Variants in NLRC5 observed in about 807,000 individuals in gnomAD.
NLRC5 encodes protein NLRC5.
Under a neutral mutation model 206.9 loss-of-function variants are expected in NLRC5, and 114 were observed. The ratio of observed to expected loss-of-function variants is 0.55; its 90% CI spans 0.47 to 0.64. The LOEUF (loss-of-function observed/expected upper bound fraction) is 0.64, where lower values mean the gene tolerates loss of function less well. Among genes scored for constraint, NLRC5 ranks in the 30% least tolerant of loss-of-function variants. The pLI is 0.00. For missense variants in NLRC5, 2,008 were observed against 2,305.5 expected, an observed-to-expected ratio of 0.87 and a Z score of 2.64; for synonymous variants, 952 against 962.8, an observed-to-expected ratio of 0.99 and a Z score of 0.21.
rs755234824 is a variant in NLRC5 at position 57,028,131 on chromosome 16, C to A, written c.2135C>A (p.Thr712Lys). Residue 712 changes from threonine (T) to lysine (K), a missense_variant, in exon 7 of 49, where the codon ACA (threonine) becomes AAA (lysine). By Grantham distance (78) the Thr-to-Lys change is moderately conservative (BLOSUM62 -1). Transcript: ENST00000688547. ...GAAGCCCTCTCCAGGAGCTTGCCGACAATGGGGAGGCTGCAGATGCTGGGG... is the reference window on the plus strand; with the variant it reads ...GAAGCCCTCTCCAGGAGCTTGCCGAAAATGGGGAGGCTGCAGATGCTGGGG... ...FAEALSRSLP[T>K]MGRLQMLGLA... 2 of 1,613,370 alleles carry A rather than the reference C, an allele frequency of 1.2e-6. No individual in the cohort carries two copies. Among genetic ancestry groups the A allele is most frequent in the African/African-American group, 2.7e-5 (2 of 74,882 alleles).
At position 57,054,734 on chromosome 16, in the gene NLRC5, C is replaced by T; in HGVS notation, c.3507-17C>T. ...TTGTCCACTCATCTTGCCGGATCTA[C>T]CCCCTTTCCTTTTCAGGCTGAGCCA... On this transcript the variant is annotated splice_polypyrimidine_tract_variant and intron_variant, in intron 24 of 48. Transcript: ENST00000688547. 5 of 1,455,592 alleles carry T rather than the reference C, an allele frequency of 3.4e-6. No individual in the cohort carries two copies. The highest frequency in any genetic ancestry group is 1.8e-5 in the Admixed American group (1 of 55,082). 90.2% of individuals were successfully genotyped at this position (1,455,592 alleles called of 1,614,324 possible). A position where few individuals can be genotyped will look rare whatever the true frequency, so the allele number is the denominator to read the frequency against.
chr16:57,082,717 C>T lies in NLRC5; in HGVS notation c.*189C>T, dbSNP rs1391709432. ...CTTTTTTGGGAACCAGGAGCTGGGTCTGGACAAAGGAGTACCCTGCATTAC... is the reference window on the plus strand; with the variant it reads ...CTTTTTTGGGAACCAGGAGCTGGGTTTGGACAAAGGAGTACCCTGCATTAC... On this transcript the variant is annotated 3_prime_UTR_variant, in exon 49 of 49. Coordinates refer to ENST00000688547, the MANE Select transcript of NLRC5 (RefSeq NM_001384950.1). 5 of 560,704 alleles carry T rather than the reference C, an allele frequency of 8.9e-6. No individual in the cohort carries two copies. Among genetic ancestry groups the T allele is most frequent in the Non-Finnish European group, 1.6e-5 (5 of 315,442 alleles). 34.7% of individuals were successfully genotyped at this position (560,704 alleles called of 1,614,324 possible).
At chr16:56,996,245 A>G (rs1412340561) in intron 1 of NLRC5, among the ~76,000 whole-genome samples, 2 of 151,996 alleles carry the variant, frequency 1.3e-5, no homozygotes, top group Non-Finnish European at 2.9e-5. Context: ...AGCTCCGTGC[A>G]TAGTTTCCTG....
intron 23 of NLRC5, among the ~76,000 whole-genome samples, chr16:57,049,119 AC>A (rs1256347554): frequency 2.0e-5 from 3 of 152,100 alleles, no homozygotes; most frequent in African/African-American, 7.2e-5. Flanking sequence ...AAAAAAAAAA[AC>A]AAAACTCCAA....
At chr16:57,032,720 G>T (rs114771861) in intron 11 of NLRC5, among the ~76,000 whole-genome samples, 1 of 151,562 alleles carries the variant, frequency 6.6e-6, no homozygotes, top group Non-Finnish European at 1.5e-5. Context: ...AAACAGGCTG[G>T]CATGGTGGCT....
chr16:57,061,712 C>T lies in NLRC5; in HGVS notation c.4154+11C>T. On this transcript the variant is annotated intron_variant, in intron 32 of 48. Coordinates refer to ENST00000688547, the MANE Select transcript of NLRC5 (RefSeq NM_001384950.1). ...GCTGTTCAGCCTCAGGTACCTCCTCCCCCGCTGCCTCCGGGAGGGGCCATG... is the reference window on the plus strand; with the variant it reads ...GCTGTTCAGCCTCAGGTACCTCCTCTCCCGCTGCCTCCGGGAGGGGCCATG... The T allele has an allele frequency of 6.3e-7, 1 of 1,597,520 alleles. No individual in the cohort carries two copies.
Position 57,075,646 on chromosome 16 carries a change from T to C in NLRC5, c.4751+963T>C, listed in dbSNP as rs527717524. 2.6e-5 allele frequency among the ~76,000 whole-genome samples: 4 copies of C among 152,270 alleles called. No homozygotes were observed. In the East Asian group the frequency reaches 7.7e-4, roughly 29 times the overall value. ...TCCTACACTCCCTTTGTGATTTCACTCCCTGCTGCTAGGATAAATAAACAT... is the reference window on the plus strand; with the variant it reads ...TCCTACACTCCCTTTGTGATTTCACCCCCTGCTGCTAGGATAAATAAACAT... On this transcript the variant is annotated intron_variant, in intron 39 of 48. Transcript: ENST00000688547.
At chr16:57,017,209 C>T (rs1163884328) in intron 2 of NLRC5, 21 bp downstream of exon 2, 1 of 152,698 alleles carries the variant, frequency 6.5e-6, no homozygotes, top group African/African-American at 2.4e-5. Context: ...TTTCTCTCCC[C>T]TTCACCTCCT....
intron 23 of NLRC5, among the ~76,000 whole-genome samples, chr16:57,048,797 G>T (rs555820503): frequency 6.6e-6 from 1 of 152,184 alleles, no homozygotes; most frequent in Non-Finnish European, 1.5e-5. Flanking sequence ...GCCTCCCAAA[G>T]TGTTGGGATT....
At chr16:57,067,341 A>G (rs1364377442) in intron 34 of NLRC5, 46 bp from the exon 35 acceptor site, 1 of 1,494,470 alleles carries the variant, frequency 6.7e-7, no homozygotes, top group Admixed American at 1.7e-5. Context: ...AATCCCACAT[A>G]CTGGACTAGA....
Position 57,079,287 on chromosome 16 carries a change from G to A in NLRC5, c.5232G>A (p.Gln1744=). The change falls in exon 45 of 49, where the codon CAG becomes CAA. Residue 1744 remains glutamine (Q), a synonymous_variant. Transcript: ENST00000688547. ...GTATGGAGCTCCCGCTGCTCAGACA[G>A]ATAGAGTAAGTAGCCTCCCCTGCCT... is the stretch of plus-strand genomic sequence containing the variant. ...RFCMELPLLR[Q]IDLVSCKIDN... 1 of 1,613,386 alleles carries A rather than the reference G, an allele frequency of 6.2e-7. No individual in the cohort carries two copies. The highest frequency in any genetic ancestry group is 1.7e-5 in the Admixed American group (1 of 60,028).
chr16:57,068,435 A>AG (rs2067293731), intron 36 of NLRC5, among the ~76,000 whole-genome samples: 1 of 151,232 alleles, frequency 6.6e-6, no homozygotes, highest in Non-Finnish European at 1.5e-5. Flanking sequence ...GGTTTCCGAA[A>AG]AAAAAAAAAA....
chr16:57,042,196 T>C (rs1339824661), intron 19 of NLRC5, 131 bp downstream of exon 19: 1 of 515,324 alleles, frequency 1.9e-6, no homozygotes, highest in African/African-American at 2.0e-5. Flanking sequence ...CCTAATACAA[T>C]GTAAGTTCTC....
In NLRC5 at chr16:57,020,883, A is replaced by G. The variant is rs769824909; in HGVS notation, c.171A>G (p.Gln57=). Residue 57 remains glutamine (Q), a synonymous_variant, in exon 3 of 49, where the codon CAA becomes CAG. Transcript: ENST00000688547. ...TLDPEQRVIL[Q]LNKLHVQGSD... ...ACCCTGAACAGAGAGTCATCCTGCA[A>G]CTCAACAAGCTGCATGTCCAGGGTT... 17 of 1,613,562 alleles carry G rather than the reference A, an allele frequency of 1.1e-5. No homozygotes were observed. Among genetic ancestry groups the G allele is most frequent in the Middle Eastern group, 1.6e-4 (1 of 6,084 alleles).
chr16:57,060,102 G>A (rs1272456280), intron 30 of NLRC5, among the ~76,000 whole-genome samples: 3 of 151,210 alleles, frequency 2.0e-5, no homozygotes, highest in Non-Finnish European at 4.4e-5. Flanking sequence ...GCCACGGCCA[G>A]TTCCTTTACA....
chr16:57,062,096 A>G (rs1044028539), intron 32 of NLRC5: 1 of 1,186,398 alleles, frequency 8.4e-7, no homozygotes, highest in Admixed American at 2.6e-5. Context: ...TATTCCCAGA[A>G]CCTAGGTTTG....
At chr16:57,060,265 C>T (rs568617144) in intron 30 of NLRC5, among the ~76,000 whole-genome samples, 18 of 151,960 alleles carry the variant, frequency 1.2e-4, no homozygotes, top group African/African-American at 3.9e-4. Context: ...AGTGGCTCCC[C>T]ATTAACCCCA....
At chr16:57,071,018 G>GT (rs2067641950) in intron 38 of NLRC5, among the ~76,000 whole-genome samples, 1 of 52,602 alleles carries the variant, frequency 1.9e-5, no homozygotes, top group African/African-American at 5.5e-5. Flanking sequence ...GTGAGTGGTG[G>GT]CGTTGGTTAA....
At position 57,074,584 on chromosome 16, in the gene NLRC5, G is replaced by A. The variant is rs769863565; in HGVS notation, c.4668-16G>A. On this transcript the variant is annotated splice_polypyrimidine_tract_variant and intron_variant, in intron 38 of 48. Coordinates refer to ENST00000688547, the MANE Select transcript of NLRC5 (RefSeq NM_001384950.1). ...CACCCCCAGATGTCAAGTTCACCTG[G>A]CCTCCTCTTCTCCAGCCTCAGTCAC... The A allele has an allele frequency of 1.4e-5, 23 of 1,612,918 alleles. No individual in the cohort carries two copies. In the Admixed American group the frequency reaches 3.0e-4, roughly 21 times the overall value.
Sources: allele counts gnomAD v4.1 joint callset (sites outside exome capture counted in the v4.1 genomes callset), GRCh38; gene constraint gnomAD v4.1.1; transcripts MANE v1.5; gene names NCBI Gene and HGNC (gene_info 2026-07-23, HGNC 2026-07-21).